ADIPOQ: variants seen among roughly 807,000 people sequenced by gnomAD.
ADIPOQ encodes adiponectin, C1Q and collagen domain containing.
A neutral mutation model predicts 16.1 loss-of-function variants in ADIPOQ; 19 were observed. The observed-to-expected ratio is 1.18, with a 90% CI of 0.82 to 1.73. The LOEUF (loss-of-function observed/expected upper bound fraction) is 1.73, where lower values mean the gene tolerates loss of function less well. Among genes scored for constraint, ADIPOQ ranks in the 40% most tolerant of loss-of-function variants. The probability of loss-of-function intolerance (pLI) is 0.00; values close to 1 mark genes in which losing one functional copy is unlikely to be tolerated. For synonymous variants in ADIPOQ, 124 were observed against 125.5 expected (o/e 0.99, Z 0.08); for missense variants, 323 against 308.3 (o/e 1.05, Z -0.36).
At chr3:186,853,378 CT>C in intron 2 of ADIPOQ, 106 bp downstream of exon 2, 1 of 1,403,018 alleles carries the variant, frequency 7.1e-7, no homozygotes, top group Non-Finnish European at 9.8e-7. Context: ...GAAAGCAAAG[CT>C]TTTTTATGTT....
chr3:186,846,251 C>CTT (rs11412081), intron 1 of ADIPOQ, among the ~76,000 whole-genome samples: 114 of 147,408 alleles, frequency 7.7e-4, no homozygotes, highest in East Asian at 3.4e-3. Flanking sequence ...ATTTTGTATA[C>CTT]TTTTTTTTTT....
chr3:186,849,972 AC>A (rs1711692000), intron 1 of ADIPOQ, among the ~76,000 whole-genome samples: 1 of 152,200 alleles, frequency 6.6e-6, no homozygotes, highest in Admixed American at 6.5e-5. Flanking sequence ...GAACTGTTTA[AC>A]ACTTAGAGGC....
chr3:186,846,459 C>A (rs1311682180), intron 1 of ADIPOQ, among the ~76,000 whole-genome samples: 1 of 152,088 alleles, frequency 6.6e-6, no homozygotes, highest in South Asian at 2.1e-4. Context: ...GTCTTGAACT[C>A]CTGACTTCAT....
chr3:186,854,361 G>A lies in ADIPOQ; in HGVS notation c.392G>A (p.Arg131His), dbSNP rs78685763. 30 of 1,614,134 alleles carry A rather than the reference G, an allele frequency of 1.9e-5. No individual in the cohort carries two copies. The highest frequency in any genetic ancestry group is 1.5e-4 in the South Asian group (14 of 91,072). ...TYVTIPNMPI[R>H]FTKIFYNQQN... is the part of the protein sequence containing the mutation. ...GTTACTATCCCCAACATGCCCATTC[G>A]CTTTACCAAGATCTTCTACAATCAG... Residue 131 changes from arginine to histidine, a missense_variant, in exon 3 of 3, where the codon CGC (arginine) becomes CAC (histidine). By Grantham distance (29) the Arg-to-His change is conservative (BLOSUM62 0). Coordinates refer to ENST00000320741, the MANE Select transcript of ADIPOQ (RefSeq NM_004797.4).
chr3:186,846,284 C>A (rs1711575701), intron 1 of ADIPOQ, among the ~76,000 whole-genome samples: 1 of 150,432 alleles, frequency 6.6e-6, no homozygotes, highest in African/African-American at 2.5e-5. Flanking sequence ...CTTGCTCTGT[C>A]ACCCAGGTTG....
In ADIPOQ at chr3:186,852,908, G is replaced by C. The variant is rs1711830276; in HGVS notation, c.-8-143G>C. 5.1e-6 allele frequency: 4 copies of C among 786,360 alleles called. No individual in the cohort carries two copies. The East Asian group carries it at 1.1e-4, about 21-fold the overall frequency. 48.7% of individuals were successfully genotyped at this position (786,360 alleles called of 1,614,324 possible). A position where few individuals can be genotyped will look rare whatever the true frequency, so the allele number is the denominator to read the frequency against. On this transcript the variant is annotated intron_variant, in intron 1 of 2. Coordinates refer to ENST00000320741, the MANE Select transcript of ADIPOQ (RefSeq NM_004797.4). ...AAGGTGGGCTGCAATATTCAGAAAA[G>C]TCTTCCTGGAAAAGTTGAATACTTA... is the stretch of plus-strand genomic sequence containing the variant.
rs1560109110 is a variant in ADIPOQ, at chr3:186,853,080, C to T, written c.22C>T (p.Leu8=). The T allele has an allele frequency of 6.2e-7, 1 of 1,612,286 alleles. No homozygotes were observed. Residue 8 remains leucine, a synonymous_variant, in exon 2 of 3, where the codon CTA becomes TTA. Coordinates refer to ENST00000320741, the MANE Select transcript of ADIPOQ (RefSeq NM_004797.4). The part of the protein sequence containing the change: MLLLGAV[L]LLLALPGHDQ... Reference sequence around the variant, plus strand: ...CAGGATGCTGTTGCTGGGAGCTGTTCTACTGCTATTAGCTCTGCCCGGTCA... The same window carrying T: ...CAGGATGCTGTTGCTGGGAGCTGTTTTACTGCTATTAGCTCTGCCCGGTCA...
intron 1 of ADIPOQ, among the ~76,000 whole-genome samples, chr3:186,848,520 A>G (rs1292808789): frequency 6.6e-6 from 1 of 152,188 alleles, no homozygotes; most frequent in Admixed American, 6.5e-5. Context: ...AAAGCATGAC[A>G]CGGAGCTTCT....
chr3:186,853,157 G>C lies in ADIPOQ; in HGVS notation c.99G>C (p.Lys33Asn). ...QGPGVLLPLPKGACTGWMAGI... is the reference protein window; with the variant it reads ...QGPGVLLPLPNGACTGWMAGI... ...CCGGAGTCCTGCTTCCCCTGCCCAA[G>C]GGGGCCTGCACAGGTTGGATGGCGG... The change falls in exon 2 of 3, where the codon AAG becomes AAC. Residue 33 changes from lysine (K) to asparagine (N), a missense_variant. Transcript: ENST00000320741. 1 of 1,614,196 alleles carries C rather than the reference G, an allele frequency of 6.2e-7. No individual in the cohort carries two copies.
At chr3:186,849,106 A>G (rs1409473274) in intron 1 of ADIPOQ, among the ~76,000 whole-genome samples, 2 of 152,240 alleles carry the variant, frequency 1.3e-5, no homozygotes, top group African/African-American at 4.8e-5. Flanking sequence ...GGGAGGAGCC[A>G]GAAAACTCCA....
chr3:186,853,110 C>T lies in ADIPOQ; in HGVS notation c.52C>T (p.Gln18Ter). Reference sequence around the variant, plus strand: ...GCTATTAGCTCTGCCCGGTCATGACCAGGAAACCACGACTCAAGGGCCCGG... The same window carrying T: ...GCTATTAGCTCTGCCCGGTCATGACTAGGAAACCACGACTCAAGGGCCCGG... ...LLLLALPGHD[Q>*]ETTTQGPGVL... The change falls in exon 2 of 3, where the codon CAG (glutamine) becomes TAG (stop). Residue 18 changes from glutamine to a stop codon, truncating the protein, a stop_gained. Transcript: ENST00000320741. LOFTEE classifies it high-confidence loss of function. 2 of 1,614,178 alleles carry T rather than the reference C, an allele frequency of 1.2e-6. No individual in the cohort carries two copies. The highest frequency in any genetic ancestry group is 1.7e-6 in the Non-Finnish European group (2 of 1,180,030).
intron 1 of ADIPOQ, among the ~76,000 whole-genome samples, chr3:186,845,136 T>C (rs887469587): frequency 6.6e-6 from 1 of 151,012 alleles, no homozygotes; most frequent in Non-Finnish European, 1.5e-5. Flanking sequence ...CGTATGTGGA[T>C]GTGTGGATGT....
intron 2 of ADIPOQ, among the ~76,000 whole-genome samples, 180 bp downstream of exon 2, chr3:186,853,452 C>T (rs1711863961): frequency 6.6e-6 from 1 of 151,896 alleles, no homozygotes; most frequent in African/African-American, 2.4e-5. Context: ...GATGGTGCCT[C>T]TATAACCAAG....
At chr3:186,845,107 TG>T (rs35378606) in intron 1 of ADIPOQ, among the ~76,000 whole-genome samples, 40 of 149,918 alleles carry the variant, frequency 2.7e-4, no homozygotes, top group South Asian at 1.5e-3. Flanking sequence ...TGTGTATGTG[TG>T]GGGGGGGGTG....
At chr3:186,851,683 A>T (rs547080611) in intron 1 of ADIPOQ, among the ~76,000 whole-genome samples, 4 of 149,486 alleles carry the variant, frequency 2.7e-5, no homozygotes, top group African/African-American at 9.9e-5. Flanking sequence ...TGGCTCTCTC[A>T]TGATTTCTTT....
In ADIPOQ at chr3:186,854,859, C is replaced by T; in HGVS notation, c.*155C>T. 1 of 1,107,108 alleles carries T rather than the reference C, an allele frequency of 9.0e-7. No individual in the cohort carries two copies. Among genetic ancestry groups the T allele is most frequent in the East Asian group, 2.5e-5 (1 of 40,798 alleles). The allele number at this position is 1,107,108 out of a possible 1,614,324, so 68.6% of individuals were successfully genotyped here. ...ATTTATTCATTCATTCATCGAGTAACTTTAAAAAAATCATATGCTATGTTC... is the reference window on the plus strand; with the variant it reads ...ATTTATTCATTCATTCATCGAGTAATTTTAAAAAAATCATATGCTATGTTC... On this transcript the variant is annotated 3_prime_UTR_variant, in exon 3 of 3. Coordinates refer to ENST00000320741, the MANE Select transcript of ADIPOQ (RefSeq NM_004797.4).
intron 2 of ADIPOQ, 116 bp from the exon 3 acceptor site, chr3:186,854,068 T>A: frequency 8.8e-7 from 1 of 1,139,492 alleles, no homozygotes; most frequent in Non-Finnish European, 1.2e-6. Context: ...ATTGGTTTCT[T>A]GATCTATAAG....
Position 186,847,460 on chromosome 3 carries a change from T to C in ADIPOQ, c.-9+4711T>C, listed in dbSNP as rs554971642. ...GTTATTTATTAATTTTGCCTTTTTG[T>C]ATGCTGCCAGGAAAGAAACATTAAG... On this transcript the variant is annotated intron_variant, in intron 1 of 2. Transcript: ENST00000320741. Among the ~76,000 whole-genome samples the C allele has an allele frequency of 7.5e-4, 115 of 152,382 alleles. 1 individual carries two copies. In the South Asian group the frequency reaches 0.023, roughly 30 times the overall value.
chr3:186,851,962 A>G, intron 1 of ADIPOQ: 1 of 171,744 alleles, frequency 5.8e-6, no homozygotes, highest in Non-Finnish European at 1.2e-5. Context: ...GGCCTCAGAA[A>G]ACTTACAATC....
Sources: allele counts gnomAD v4.1 joint callset (sites outside exome capture counted in the v4.1 genomes callset), GRCh38; gene constraint gnomAD v4.1.1; transcripts MANE v1.5; gene names NCBI Gene and HGNC (gene_info 2026-07-23, HGNC 2026-07-21).